The following PTPN9 variants were observed in gnomAD, a reference collection of about 807,000 sequenced individuals.
PTPN9 encodes protein tyrosine phosphatase non-receptor type 9, also known as tyrosine-protein phosphatase non-receptor type 9.
PTPN9 carries 26 observed loss-of-function variants against 69.8 expected under a neutral mutation model. That is an observed-to-expected ratio of 0.37 (90% CI 0.27 to 0.52). PTPN9 has a LOEUF of 0.52. PTPN9 is among the 20% of genes least tolerant of loss of function. PTPN9 has a pLI of 0.91. For missense variants in PTPN9, 549 were observed against 740.3 expected (o/e 0.74, Z 3.00); for synonymous variants, 274 against 272.5 (o/e 1.01, Z -0.05).
At chr15:75,524,390 G>T in intron 2 of PTPN9, 92 bp from the exon 3 acceptor site, 2 of 658,816 alleles carry the variant, frequency 3.0e-6, no homozygotes, top group South Asian at 2.0e-5. Flanking sequence ...AGATAAGGTG[G>T]TTATCAATGA....
At chr15:75,539,740 C>T (rs988136321) in intron 1 of PTPN9, among the ~76,000 whole-genome samples, 19 of 150,828 alleles carry the variant, frequency 1.3e-4, no homozygotes, top group Non-Finnish European at 2.8e-4. Flanking sequence ...GGTGTGATCT[C>T]GGCTCACTGC....
At chr15:75,541,544 C>T (rs1358414644) in intron 1 of PTPN9, among the ~76,000 whole-genome samples, 1 of 150,950 alleles carries the variant, frequency 6.6e-6, no homozygotes, top group Non-Finnish European at 1.5e-5. Flanking sequence ...GTAGCTGTAA[C>T]TACAGGTGCG....
rs1567477266 is a variant in PTPN9, at chr15:75,490,267, CCCCA to C, written c.999_1002del (p.Tyr333Ter). ...CTAGTTTGGTCCAGGCAGGGTACAT[CCCCA>C]TAACGGTTTTTCTCTAGGTTTCCTG... On this transcript the variant is annotated frameshift_variant, in exon 8 of 13. Coordinates refer to ENST00000618819, the MANE Select transcript of PTPN9 (RefSeq NM_002833.4). LOFTEE classifies it high-confidence loss of function. 1 of 1,613,522 alleles carries C rather than the reference CCCCA, an allele frequency of 6.2e-7. No individual in the cohort carries two copies. The highest frequency in any genetic ancestry group is 1.3e-5 in the African/African-American group (1 of 74,886).
At chr15:75,502,621 T>C (rs2074779974) in intron 7 of PTPN9, among the ~76,000 whole-genome samples, 1 of 152,116 alleles carries the variant, frequency 6.6e-6, no homozygotes, top group Non-Finnish European at 1.5e-5. Context: ...TGATAGGATT[T>C]GAGTAGAATG....
intron 1 of PTPN9, among the ~76,000 whole-genome samples, chr15:75,577,946 G>A (rs1315392044): frequency 6.6e-6 from 1 of 152,112 alleles, no homozygotes; most frequent in African/African-American, 2.4e-5. Flanking sequence ...TGGAATGTGC[G>A]GGAGGGAAAG....
chr15:75,574,754 A>G (rs529371348), intron 1 of PTPN9, among the ~76,000 whole-genome samples: 3 of 151,820 alleles, frequency 2.0e-5, no homozygotes, highest in Admixed American at 6.6e-5. Context: ...CAGCCTAGCT[A>G]ATGTAGTGAA....
intron 9 of PTPN9, among the ~76,000 whole-genome samples, chr15:75,477,641 TATG>T (rs1187324794): frequency 1.3e-5 from 2 of 152,068 alleles, no homozygotes; most frequent in African/African-American, 4.8e-5. Context: ...TTGCAGACAT[TATG>T]ATATTTTATT....
rs61447190 is a variant in PTPN9 at position 75,480,895 on chromosome 15, C to T, written c.1063-981G>A. The stretch of plus-strand genomic sequence containing the variant: ...TGCAGCCTCTGCCCGGCTGCCACCC[C>T]GTCTGGGAAGTGAGGAGTGTCTCTG... On this transcript the variant is annotated intron_variant, in intron 8 of 12. Transcript: ENST00000618819. 7.9e-3 allele frequency: 2,101 copies of T among 266,212 alleles called. 96 individuals carry two copies. The East Asian group carries it at 0.11, about 14-fold the overall frequency. The allele number at this position is 266,212 out of a possible 1,614,324, so 16.5% of individuals were successfully genotyped here. A position where few individuals can be genotyped will look rare whatever the true frequency, so the allele number is the denominator to read the frequency against.
At position 75,468,643 on chromosome 15, in the gene PTPN9, G is replaced by T. The variant is rs1261258959; in HGVS notation, c.*126C>A. The T allele has an allele frequency of 1.1e-5, 9 of 837,800 alleles. No individual in the cohort carries two copies. The South Asian group carries it at 1.1e-4, about 11-fold the overall frequency. 51.9% of individuals were successfully genotyped at this position (837,800 alleles called of 1,614,324 possible). ...GAAAGGCTGCCTTGCGTGCACACGT[G>T]TGCTGGGAGACACAAGAAAGAAGTT... On this transcript the variant is annotated 3_prime_UTR_variant, in exon 13 of 13. Transcript: ENST00000618819.
chr15:75,562,614 G>A (rs954037996), intron 1 of PTPN9, among the ~76,000 whole-genome samples: 16 of 151,894 alleles, frequency 1.1e-4, no homozygotes, highest in Non-Finnish European at 1.9e-4. Context: ...GGTGGATCAC[G>A]AGGTCAGGAG....
At chr15:75,521,099 C>T (rs2074902574) in intron 4 of PTPN9, among the ~76,000 whole-genome samples, 1 of 152,124 alleles carries the variant, frequency 6.6e-6, no homozygotes, top group Non-Finnish European at 1.5e-5. Context: ...GATCCTCTCA[C>T]CTGGCCTCCC....
At position 75,470,621 on chromosome 15, in the gene PTPN9, TTACAG is replaced by T. The variant is rs1385691026; in HGVS notation, c.1359+54_1359+58del. 1.5e-5 allele frequency: 23 copies of T among 1,567,608 alleles called. No homozygotes were observed. In the Admixed American group the frequency reaches 2.6e-4, roughly 18 times the overall value. ...TACCTATTCCCTCTGGAGATTTTCATTACAGTAATTATTCTCCCCCTGTTTCAACA... is the reference window on the plus strand; with the variant it reads ...TACCTATTCCCTCTGGAGATTTTCATTAATTATTCTCCCCCTGTTTCAACA... On this transcript the variant is annotated intron_variant, in intron 11 of 12. Transcript: ENST00000618819.
intron 5 of PTPN9, among the ~76,000 whole-genome samples, chr15:75,514,200 AATG>A (rs1170783417): frequency 2.0e-5 from 3 of 150,222 alleles, no homozygotes; most frequent in African/African-American, 7.4e-5. Flanking sequence ...ATTTCTCAGG[AATG>A]ATTTCTTCCT....
At chr15:75,480,224 G>A (rs2074620772) in intron 8 of PTPN9, among the ~76,000 whole-genome samples, 1 of 152,090 alleles carries the variant, frequency 6.6e-6, no homozygotes, top group Non-Finnish European at 1.5e-5. Flanking sequence ...GTAAATCTTT[G>A]TGACCTTGGG....
chr15:75,540,679 G>C (rs756918334), intron 1 of PTPN9, among the ~76,000 whole-genome samples: 1 of 152,082 alleles, frequency 6.6e-6, no homozygotes, highest in Non-Finnish European at 1.5e-5. Context: ...CGGCTGCTAG[G>C]TGAGGTGACA....
rs184423774 is a variant in PTPN9, at chr15:75,550,948, A to T, written c.64-23687T>A. On this transcript the variant is annotated intron_variant, in intron 1 of 12. Transcript: ENST00000618819. ...GGCATGAGTCAATGTGCCTGGCCAA[A>T]AATTAAAAGATTTTAAAGGAAAAGC... Among the ~76,000 whole-genome samples, 410 of 152,280 alleles carry T rather than the reference A, an allele frequency of 2.7e-3. 2 individuals carry two copies. Among genetic ancestry groups the T allele is most frequent in the African/African-American group, 9.3e-3 (388 of 41,556 alleles).
At chr15:75,516,228 A>G (rs2074868530) in intron 5 of PTPN9, among the ~76,000 whole-genome samples, 1 of 152,038 alleles carries the variant, frequency 6.6e-6, no homozygotes, top group Admixed American at 6.6e-5. Flanking sequence ...CAGATTTTAG[A>G]ATATCTGCAT....
intron 7 of PTPN9, among the ~76,000 whole-genome samples, chr15:75,501,444 T>TC (rs1463529022): frequency 6.6e-6 from 1 of 150,758 alleles, no homozygotes; most frequent in African/African-American, 2.4e-5. Context: ...TTTTTTTTTT[T>TC]CCTCTTCTTT....
intron 8 of PTPN9, among the ~76,000 whole-genome samples, chr15:75,489,211 T>C (rs568075227): frequency 6.6e-6 from 1 of 151,584 alleles, no homozygotes; most frequent in African/African-American, 2.4e-5. Flanking sequence ...TGTCCTAATG[T>C]TACCCTAACA....
Sources: gnomAD v4.1 joint callset for allele counts (sites outside exome capture counted in the v4.1 genomes callset) on GRCh38, gnomAD v4.1.1 for gene constraint, MANE v1.5 for transcripts, NCBI Gene and HGNC (gene_info 2026-07-23, HGNC 2026-07-21) for gene names.